BEND5: variants seen among roughly 807,000 people sequenced by gnomAD.
The protein encoded by BEND5 is BEN domain-containing protein 5.
A neutral mutation model predicts 43.9 loss-of-function variants in BEND5; 22 were observed. The ratio of observed to expected loss-of-function variants is 0.50; its 90% CI spans 0.36 to 0.72. The LOEUF (loss-of-function observed/expected upper bound fraction) is 0.72. Among genes scored for constraint, BEND5 ranks in the 30% least tolerant of loss-of-function variants. The pLI is 0.00. For synonymous variants in BEND5, 228 were observed against 225.9 expected (o/e 1.01, Z -0.08); for missense variants, 428 against 550.6 (o/e 0.78, Z 2.23).
intron 3 of BEND5, among the ~76,000 whole-genome samples, chr1:48,755,986 C>G (rs1401174543): frequency 6.6e-6 from 1 of 152,222 alleles, no homozygotes; most frequent in Non-Finnish European, 1.5e-5. Flanking sequence ...TAGCCAACTA[C>G]TGGCTGGGGG....
At chr1:48,757,639 A>G (rs1005363445) in intron 3 of BEND5, among the ~76,000 whole-genome samples, 1 of 152,318 alleles carries the variant, frequency 6.6e-6, no homozygotes, top group African/African-American at 2.4e-5. Flanking sequence ...GGACCACCCA[A>G]AGATCTACTG....
Position 48,776,730 on chromosome 1 carries a change from G to A in BEND5, c.102C>T (p.Asn34=). 1.3e-6 allele frequency: 2 copies of A among 1,528,452 alleles called. No individual in the cohort carries two copies. 94.7% of individuals were successfully genotyped at this position (1,528,452 alleles called of 1,614,324 possible). ...CCCGGTACACGGCGTACACCTTCTG[G>A]TTGTCAAAATCCAGCCGCGAGCGGG... ...FSPRSRLDFD[N]QKVYAVYRGP... The change falls in exon 1 of 6, where the codon AAC becomes AAT. Residue 34 remains asparagine (N), a synonymous_variant. Coordinates refer to ENST00000371833, the MANE Select transcript of BEND5 (RefSeq NM_024603.4).
At chr1:48,769,816 G>A (rs2148688044) in intron 1 of BEND5, among the ~76,000 whole-genome samples, 1 of 152,270 alleles carries the variant, frequency 6.6e-6, no homozygotes, top group Middle Eastern at 3.4e-3. Context: ...ATGAGCACCT[G>A]GAACTCAGAG....
chr1:48,759,369 A>G, intron 2 of BEND5, 85 bp from the exon 3 acceptor site: 1 of 1,481,710 alleles, frequency 6.7e-7, no homozygotes, highest in Non-Finnish European at 8.9e-7. Context: ...AGACAATCCT[A>G]AAATCACAGA....
chr1:48,730,445 A>G (rs1024199246), intron 5 of BEND5, among the ~76,000 whole-genome samples: 10 of 152,206 alleles, frequency 6.6e-5, no homozygotes, highest in African/African-American at 2.4e-4. Flanking sequence ...AGATTCCCCC[A>G]GCTCGAAGTC....
rs1002648061 is a variant in BEND5, at chr1:48,736,556, A to T, written c.895-104T>A. On this transcript the variant is annotated intron_variant, in intron 4 of 5. Transcript: ENST00000371833. This position sits in a 1 kb window ranked among gnomAD's most constrained non-coding sequence, Gnocchi z 4.0. The stretch of plus-strand genomic sequence containing the variant: ...ATTGCTGCACAACTGTAAGAGATTC[A>T]TGTCATAAATATGAAATTAACTCTC... 2.0e-6 allele frequency: 2 copies of T among 986,458 alleles called. No individual in the cohort carries two copies. Among genetic ancestry groups the T allele is most frequent in the Non-Finnish European group, 3.1e-6 (2 of 646,442 alleles). The allele number at this position is 986,458 out of a possible 1,614,324, so 61.1% of individuals were successfully genotyped here.
intron 1 of BEND5, among the ~76,000 whole-genome samples, chr1:48,766,616 C>T (rs1644544451): frequency 6.6e-6 from 1 of 152,180 alleles, no homozygotes; most frequent in South Asian, 2.1e-4. Flanking sequence ...TCTGAGGTGT[C>T]AGGAATGAGT....
In BEND5 at chr1:48,776,752, CG is replaced by C; in HGVS notation, c.79del (p.Arg27AlafsTer59). 2 of 1,527,328 alleles carry C rather than the reference CG, an allele frequency of 1.3e-6. No homozygotes were observed. The highest frequency in any genetic ancestry group is 2.1e-5 in the Admixed American group (1 of 48,500). 94.6% of individuals were successfully genotyped at this position (1,527,328 alleles called of 1,614,324 possible). On this transcript the variant is annotated frameshift_variant, in exon 1 of 6. Transcript: ENST00000371833. LOFTEE classifies it high-confidence loss of function. The stretch of plus-strand genomic sequence containing the variant: ...CTGGTTGTCAAAATCCAGCCGCGAG[CG>C]GGGGCTGAAGTCGCGCACGCACGAC... ...PVSCVRDFSP[R>X]SRLDFDNQKV...
At chr1:48,743,371 T>C (rs1650235107) in intron 3 of BEND5, among the ~76,000 whole-genome samples, 1 of 152,224 alleles carries the variant, frequency 6.6e-6, no homozygotes, top group Admixed American at 6.5e-5. Context: ...ACATGCAGTT[T>C]AAACAGCAAA....
At chr1:48,764,449 T>G (rs960759842) in intron 1 of BEND5, among the ~76,000 whole-genome samples, 11 of 152,040 alleles carry the variant, frequency 7.2e-5, no homozygotes, top group Non-Finnish European at 1.0e-4. Context: ...GAATCTGGAC[T>G]ACACAAGAGG....
At chr1:48,745,124 T>C (rs577684082) in intron 3 of BEND5, among the ~76,000 whole-genome samples, 11 of 152,246 alleles carry the variant, frequency 7.2e-5, no homozygotes, top group African/African-American at 2.6e-4. Flanking sequence ...TCTTGGAGCG[T>C]AGGGAAGCGC....
intron 1 of BEND5, among the ~76,000 whole-genome samples, chr1:48,769,005 G>C (rs1934394): frequency 0.19 from 28,781 of 152,114 alleles, 3,243 homozygotes; most frequent in East Asian, 0.39. Context: ...AAGACATCAG[G>C]AGACACCAAA....
At position 48,736,414 on chromosome 1, in the gene BEND5, T is replaced by C. The variant is rs752433510; in HGVS notation, c.933A>G (p.Lys311=). 4 of 1,614,130 alleles carry C rather than the reference T, an allele frequency of 2.5e-6. No homozygotes were observed. ...CTTGGGTTACTTGTAGCTGGTGCCA[T>C]TTCTCCTCATCAACCCAAATCCCGC... ...LGSGIWVDEE[K]WHQLQVTQGD... The change falls in exon 5 of 6, where the codon AAA becomes AAG. Residue 311 remains lysine, a synonymous_variant. Coordinates refer to ENST00000371833, the MANE Select transcript of BEND5 (RefSeq NM_024603.4). The surrounding 1 kb of genome is among the most constrained non-coding windows in gnomAD (Gnocchi z 4.0).
At chr1:48,760,550 A>G (rs1358175241) in intron 2 of BEND5, among the ~76,000 whole-genome samples, 2 of 152,246 alleles carry the variant, frequency 1.3e-5, no homozygotes, top group Non-Finnish European at 2.9e-5. Context: ...CTGCGTCACT[A>G]TAATGTGAGA....
At chr1:48,739,558 C>T (rs971926991) in intron 4 of BEND5, among the ~76,000 whole-genome samples, 6 of 152,176 alleles carry the variant, frequency 3.9e-5, no homozygotes, top group African/African-American at 1.4e-4. Flanking sequence ...GCTGGAGCTG[C>T]CAGCCTGGGT....
In BEND5 at chr1:48,776,749, G is replaced by C. The variant is rs1279736225; in HGVS notation, c.83C>G (p.Ser28Trp). 6.5e-6 allele frequency: 10 copies of C among 1,527,730 alleles called. No homozygotes were observed. The South Asian group carries it at 1.2e-4, about 19-fold the overall frequency. 94.6% of individuals were successfully genotyped at this position (1,527,730 alleles called of 1,614,324 possible). Residue 28 changes from serine to tryptophan, a missense_variant, in exon 1 of 6, where the codon TCG becomes TGG. Ser to Trp is a radical substitution (Grantham distance 177). Coordinates refer to ENST00000371833, the MANE Select transcript of BEND5 (RefSeq NM_024603.4). ...CTTCTGGTTGTCAAAATCCAGCCGCGAGCGGGGGCTGAAGTCGCGCACGCA... is the reference window on the plus strand; with the variant it reads ...CTTCTGGTTGTCAAAATCCAGCCGCCAGCGGGGGCTGAAGTCGCGCACGCA... ...VSCVRDFSPR[S>W]RLDFDNQKVY...
chr1:48,740,599 G>T (rs575401425), intron 4 of BEND5, among the ~76,000 whole-genome samples: 3 of 152,306 alleles, frequency 2.0e-5, no homozygotes, highest in Admixed American at 2.0e-4. Flanking sequence ...GTCAAAGGAG[G>T]TTATTAAAAA....
At chr1:48,769,949 A>G (rs1440022996) in intron 1 of BEND5, among the ~76,000 whole-genome samples, 2 of 152,200 alleles carry the variant, frequency 1.3e-5, no homozygotes, top group Non-Finnish European at 1.5e-5. Flanking sequence ...TTCAGTAGTT[A>G]AGGAAATGAT....
At chr1:48,743,821 G>A (rs1004104860) in intron 3 of BEND5, among the ~76,000 whole-genome samples, 3 of 152,166 alleles carry the variant, frequency 2.0e-5, no homozygotes, top group East Asian at 3.8e-4. Flanking sequence ...CTAGACTTTG[G>A]TTGGTGGCAG....
Sources: gnomAD v4.1 joint callset for allele counts (sites outside exome capture counted in the v4.1 genomes callset) on GRCh38, gnomAD v4.1.1 for gene constraint, Gnocchi (gnomAD v3.1) non-coding constraint, MANE v1.5 for transcripts, NCBI Gene and HGNC (gene_info 2026-07-23, HGNC 2026-07-21) for gene names.